The following CADM2 variants were observed in gnomAD, a reference collection of about 807,000 sequenced individuals.
CADM2 encodes immunoglobulin superfamily member 4D.
A neutral mutation model predicts 49.8 loss-of-function variants in CADM2; 12 were observed. The observed-to-expected ratio is 0.24, with a 90% confidence interval of 0.15 to 0.39. The LOEUF is 0.39. Among genes scored for constraint, CADM2 ranks in the 10% least tolerant of loss-of-function variants. The pLI, the probability that CADM2 is intolerant of heterozygous loss-of-function variation, is 1.00. For missense variants in CADM2, 378 were observed against 492.3 expected (o/e 0.77, Z 2.20); for synonymous variants, 214 against 175.4 (o/e 1.22, Z -1.74).
intron 1 of CADM2, among the ~76,000 whole-genome samples, chr3:85,152,898 A>T (rs1300396227): frequency 6.6e-6 from 1 of 150,778 alleles, no homozygotes; most frequent in African/African-American, 2.5e-5. Flanking sequence ...CAGGAGGTGG[A>T]GCTTGCAGTG....
At chr3:86,058,789 T>C (rs1466824321) in intron 8 of CADM2, among the ~76,000 whole-genome samples, 1 of 152,000 alleles carries the variant, frequency 6.6e-6, no homozygotes, top group African/African-American at 2.4e-5. Context: ...TAATAAAGTA[T>C]TTTTTATAAA....
chr3:85,685,959 A>C (rs2107668807), intron 1 of CADM2, among the ~76,000 whole-genome samples: 1 of 152,310 alleles, frequency 6.6e-6, no homozygotes, highest in South Asian at 2.1e-4. Context: ...TGATTGTAAT[A>C]GTAGGCCTCT....
chr3:86,014,457 A>T, intron 8 of CADM2: 1 of 1,496,232 alleles, frequency 6.7e-7, no homozygotes, highest in Non-Finnish European at 9.0e-7. Context: ...GGAAGCCACA[A>T]ATTTGGTAAC....
chr3:85,084,721 A>G (rs2037305625), intron 1 of CADM2, among the ~76,000 whole-genome samples: 1 of 152,172 alleles, frequency 6.6e-6, no homozygotes, highest in African/African-American at 2.4e-5. Context: ...AATTAAAATT[A>G]TATATGTGAC....
At chr3:85,579,408 G>T (rs2062730230) in intron 1 of CADM2, among the ~76,000 whole-genome samples, 1 of 152,066 alleles carries the variant, frequency 6.6e-6, no homozygotes, top group African/African-American at 2.4e-5. Flanking sequence ...TTTCTCAGAT[G>T]TGTGCATGCA....
At position 86,069,392 on chromosome 3, in the gene CADM2, A is replaced by C. The variant is rs1739644099; in HGVS notation, c.*2609A>C. The C allele has an allele frequency of 6.6e-6, 1 of 151,974 alleles. No individual in the cohort carries two copies. Among genetic ancestry groups the C allele is most frequent in the African/African-American group, 2.4e-5 (1 of 41,416 alleles). 9.4% of individuals were successfully genotyped at this position (151,974 alleles called of 1,614,324 possible). A position where few individuals can be genotyped will look rare whatever the true frequency, so the allele number is the denominator to read the frequency against. ...TATTATAATTTGTGGGATCTAATTA[A>C]ATGTTTGCCTATTAAATATAGTTTG... On this transcript the variant is annotated 3_prime_UTR_variant, in exon 10 of 10. Transcript: ENST00000383699.
chr3:85,519,943 A>G (rs2060993064), intron 1 of CADM2, among the ~76,000 whole-genome samples: 1 of 152,062 alleles, frequency 6.6e-6, no homozygotes. Flanking sequence ...ACTGAGTAAA[A>G]AGTGTGAAAT....
intron 1 of CADM2, among the ~76,000 whole-genome samples, chr3:85,141,820 C>T (rs948174683): frequency 3.3e-5 from 5 of 152,086 alleles, no homozygotes; most frequent in African/African-American, 4.8e-5. Context: ...AGTCTTTTAC[C>T]ACCTGCTTCA....
intron 1 of CADM2, among the ~76,000 whole-genome samples, chr3:85,054,481 G>T (rs2036002042): frequency 6.6e-6 from 1 of 151,880 alleles, no homozygotes; most frequent in African/African-American, 2.4e-5. Flanking sequence ...GGATAATTAA[G>T]GGCTTTGAGT....
At chr3:85,541,159 ATATT>A (rs1438495044) in intron 1 of CADM2, among the ~76,000 whole-genome samples, 3 of 150,848 alleles carry the variant, frequency 2.0e-5, no homozygotes, top group Non-Finnish European at 4.4e-5. Flanking sequence ...ATACATTTAT[ATATT>A]TATTATATAT....
chr3:85,097,760 A>C (rs1267002011), intron 1 of CADM2, among the ~76,000 whole-genome samples: 1 of 152,196 alleles, frequency 6.6e-6, no homozygotes, highest in African/African-American at 2.4e-5. Flanking sequence ...TAGCAGACTG[A>C]TACATCAATG....
At chr3:85,741,537 G>T (rs528517860) in intron 2 of CADM2, among the ~76,000 whole-genome samples, 1 of 150,442 alleles carries the variant, frequency 6.6e-6, no homozygotes, top group East Asian at 1.9e-4. Flanking sequence ...GCATGGTGGT[G>T]CATGCCTGCA....
chr3:86,017,967 G>A lies in CADM2; in HGVS notation c.971-47638G>A, dbSNP rs1390518391. Among the ~76,000 whole-genome samples, 8 of 135,940 alleles carry A rather than the reference G, an allele frequency of 5.9e-5. No individual in the cohort carries two copies. In the South Asian group the frequency reaches 7.2e-4, roughly 12 times the overall value. 89.2% of individuals were successfully genotyped at this position (135,940 alleles called of 152,430 possible). A position where few individuals can be genotyped will look rare whatever the true frequency, so the allele number is the denominator to read the frequency against. The stretch of plus-strand genomic sequence containing the variant: ...ATGTATACATGTGCCATGCTGGTGC[G>A]CTGCACCCACTAACTCGTCATCTAG... On this transcript the variant is annotated intron_variant, in intron 8 of 9. Transcript: ENST00000383699.
chr3:85,961,895 T>C (rs1724872900), intron 8 of CADM2, among the ~76,000 whole-genome samples: 1 of 151,870 alleles, frequency 6.6e-6, no homozygotes, highest in African/African-American at 2.4e-5. Flanking sequence ...ATATACTTCT[T>C]ACATGTTGGC....
At chr3:85,812,716 C>A (rs2072954628) in intron 3 of CADM2, among the ~76,000 whole-genome samples, 1 of 152,080 alleles carries the variant, frequency 6.6e-6, no homozygotes, top group African/African-American at 2.4e-5. Context: ...CACACCCTGA[C>A]AGGCCTCAGT....
intron 3 of CADM2, among the ~76,000 whole-genome samples, chr3:85,861,383 A>G (rs928224103): frequency 6.6e-6 from 1 of 152,200 alleles, no homozygotes; most frequent in African/African-American, 2.4e-5. Context: ...GAAAGATAAG[A>G]GTTAAGAATG....
intron 6 of CADM2, among the ~76,000 whole-genome samples, chr3:85,925,407 C>T (rs1161689462): frequency 6.6e-6 from 1 of 151,784 alleles, no homozygotes; most frequent in African/African-American, 2.4e-5. Flanking sequence ...TTTAACACAC[C>T]GTTGAAGAAA....
intron 1 of CADM2, among the ~76,000 whole-genome samples, chr3:85,094,949 G>C (rs2037738000): frequency 6.6e-6 from 1 of 151,962 alleles, no homozygotes; most frequent in Non-Finnish European, 1.5e-5. Flanking sequence ...ATTAATATGT[G>C]CCAGTCTCCG....
At chr3:85,521,757 T>G (rs1042838862) in intron 1 of CADM2, among the ~76,000 whole-genome samples, 27 of 152,062 alleles carry the variant, frequency 1.8e-4, no homozygotes, top group Admixed American at 5.2e-4. Context: ...GGTGAGGGAA[T>G]TGTGGCAGAG....
Sources: allele counts gnomAD v4.1 joint callset (sites outside exome capture counted in the v4.1 genomes callset), GRCh38; gene constraint gnomAD v4.1.1; transcripts MANE v1.5; gene names NCBI Gene and HGNC (gene_info 2026-07-23, HGNC 2026-07-21).